OLA1: variants seen among roughly 807,000 people sequenced by gnomAD.
The protein encoded by OLA1 is obg-like ATPase 1.
OLA1 carries 14 observed loss-of-function variants against 48.4 expected under a neutral mutation model. The ratio of observed to expected loss-of-function variants is 0.29; its 90% CI spans 0.19 to 0.45. OLA1 has a LOEUF of 0.45. Ranked by LOEUF, OLA1 falls within the 20% of genes least tolerant of loss-of-function variation. The pLI is 1.00. For synonymous variants in OLA1, 127 were observed against 150.4 expected, an observed-to-expected ratio of 0.84 and a Z score of 1.14; for missense variants, 325 against 467.1, an observed-to-expected ratio of 0.70 and a Z score of 2.80.
At chr2:174,108,243 G>A (rs776816786) in intron 7 of OLA1, among the ~76,000 whole-genome samples, 19 of 151,922 alleles carry the variant, frequency 1.3e-4, no homozygotes, top group Admixed American at 2.0e-4. Context: ...TGTTGCTAGG[G>A]AAGAAAAATA....
intron 4 of OLA1, among the ~76,000 whole-genome samples, chr2:174,153,938 C>T (rs889826995): frequency 6.6e-6 from 1 of 152,180 alleles, no homozygotes; most frequent in Non-Finnish European, 1.5e-5. Flanking sequence ...ACAATCACGA[C>T]TCATTGCAGC....
chr2:174,246,168 T>C (rs1050844139), intron 2 of OLA1, among the ~76,000 whole-genome samples: 2 of 150,532 alleles, frequency 1.3e-5, no homozygotes, highest in East Asian at 2.0e-4. Context: ...GGCGTGGTGG[T>C]GCGCGCCTGT....
rs183707227 is a variant in OLA1 at position 174,167,761 on chromosome 2, T to C, written c.374-25761A>G. Among the ~76,000 whole-genome samples the C allele has an allele frequency of 6.6e-5, 10 of 152,330 alleles. No homozygotes were observed. The East Asian group carries it at 1.9e-3, about 29-fold the overall frequency. Reference sequence around the variant, plus strand: ...ACTATAAATCACAAATATTTTTTCCTTAAGGTTCAAAACCCACTGTCTTAG... The same window carrying C: ...ACTATAAATCACAAATATTTTTTCCCTAAGGTTCAAAACCCACTGTCTTAG... On this transcript the variant is annotated intron_variant, in intron 4 of 10. Transcript: ENST00000284719.
At chr2:174,195,773 G>A (rs115337057) in intron 4 of OLA1, among the ~76,000 whole-genome samples, 3,945 of 152,186 alleles carry the variant, frequency 0.026, 88 homozygotes, top group Middle Eastern at 0.051. Flanking sequence ...CCTTTTACCT[G>A]TTATTAAAAT....
intron 2 of OLA1, among the ~76,000 whole-genome samples, chr2:174,238,826 T>A (rs1044097907): frequency 1.4e-4 from 21 of 152,138 alleles, no homozygotes; most frequent in African/African-American, 5.1e-4. Context: ...AAATATGTTG[T>A]ATATAACTGA....
At chr2:174,162,015 G>A (rs1233356365) in intron 4 of OLA1, among the ~76,000 whole-genome samples, 8 of 152,050 alleles carry the variant, frequency 5.3e-5, no homozygotes, top group African/African-American at 4.8e-5. Context: ...ATCAAAAAAT[G>A]ATCCTACATG....
chr2:174,080,165 TAAAAG>T (rs1003699282), intron 9 of OLA1, among the ~76,000 whole-genome samples: 12 of 151,888 alleles, frequency 7.9e-5, no homozygotes, highest in African/African-American at 2.2e-4. Context: ...GGAGAGGAGA[TAAAAG>T]AAAAGTAAAT....
intron 7 of OLA1, among the ~76,000 whole-genome samples, chr2:174,103,744 C>T (rs1685449673): frequency 6.6e-6 from 1 of 152,102 alleles, no homozygotes; most frequent in Non-Finnish European, 1.5e-5. Flanking sequence ...GGTCCTTATT[C>T]TCATGGAATT....
At chr2:174,169,062 G>A (rs983851371) in intron 4 of OLA1, among the ~76,000 whole-genome samples, 4 of 151,960 alleles carry the variant, frequency 2.6e-5, no homozygotes, top group Admixed American at 6.6e-5. Context: ...AGGTTCAAGC[G>A]ATTCTCCCAA....
chr2:174,133,421 C>T (rs749634331), intron 5 of OLA1, among the ~76,000 whole-genome samples: 3 of 152,152 alleles, frequency 2.0e-5, no homozygotes, highest in Non-Finnish European at 4.4e-5. Context: ...AGTGCAGTGG[C>T]GCAACCTCGA....
At chr2:174,233,295 A>C (rs570056336) in intron 2 of OLA1, among the ~76,000 whole-genome samples, 2 of 152,324 alleles carry the variant, frequency 1.3e-5, no homozygotes, top group South Asian at 4.1e-4. Context: ...AGTTCTAGAG[A>C]TCTGTTATAC....
chr2:174,167,545 C>T (rs1005479967), intron 4 of OLA1, among the ~76,000 whole-genome samples: 3 of 152,204 alleles, frequency 2.0e-5, no homozygotes, highest in African/African-American at 7.2e-5. Context: ...CATTGCACTC[C>T]AGCCTGGGCA....
chr2:174,195,258 G>GAT (rs1434408138), intron 4 of OLA1, among the ~76,000 whole-genome samples: 4 of 151,790 alleles, frequency 2.6e-5, no homozygotes, highest in Non-Finnish European at 5.9e-5. Flanking sequence ...AATCACTGCT[G>GAT]TAATTTTTTT....
chr2:174,144,982 A>ATATATATATATATG (rs1372998057), intron 4 of OLA1, among the ~76,000 whole-genome samples: 1 of 130,342 alleles, frequency 7.7e-6, no homozygotes. Context: ...ATATATATAT[A>ATATATATATATATG]ATCACGGAAT....
At chr2:174,144,358 G>A (rs1027296619) in intron 4 of OLA1, among the ~76,000 whole-genome samples, 7 of 152,070 alleles carry the variant, frequency 4.6e-5, no homozygotes, top group African/African-American at 1.2e-4. Flanking sequence ...CATACCATAA[G>A]TAGAATTTAA....
chr2:174,106,905 C>T (rs1685525020), intron 7 of OLA1, among the ~76,000 whole-genome samples: 1 of 152,162 alleles, frequency 6.6e-6, no homozygotes, highest in African/African-American at 2.4e-5. Flanking sequence ...ATGTGCTTTG[C>T]TGCTGGAAAG....
intron 4 of OLA1, among the ~76,000 whole-genome samples, chr2:174,211,133 G>T (rs1230415728): frequency 6.6e-6 from 1 of 151,624 alleles, no homozygotes; most frequent in African/African-American, 2.4e-5. Context: ...AGGACAAAGA[G>T]GTAAGGGCAG....
intron 4 of OLA1, among the ~76,000 whole-genome samples, chr2:174,163,762 ATATATATATATAT>A (rs1687086021): frequency 2.0e-4 from 6 of 30,210 alleles, no homozygotes; most frequent in Admixed American, 3.4e-4. Context: ...ATATATATAT[ATATATATATATAT>A]AAATAAATGT....
intron 3 of OLA1, among the ~76,000 whole-genome samples, chr2:174,227,079 G>A (rs1688631379): frequency 6.6e-6 from 1 of 151,454 alleles, no homozygotes; most frequent in African/African-American, 2.4e-5. Context: ...GGGCAACACA[G>A]TAAGATTCTG....
Sources: allele counts gnomAD v4.1 joint callset (sites outside exome capture counted in the v4.1 genomes callset), GRCh38; gene constraint gnomAD v4.1.1; transcripts MANE v1.5; gene names NCBI Gene and HGNC (gene_info 2026-07-23, HGNC 2026-07-21).